KLHL22: variants seen among roughly 807,000 people sequenced by gnomAD.
KLHL22 encodes the protein kelch like family member 22, also known as kelch-like protein 22.
A neutral mutation model predicts 60.7 loss-of-function variants in KLHL22; 18 were observed. That is an observed-to-expected ratio of 0.30 (90% CI 0.20 to 0.44). KLHL22 has a LOEUF of 0.44. KLHL22 is among the 20% of genes least tolerant of loss of function. KLHL22 has a pLI of 1.00. For synonymous variants in KLHL22, 355 were observed against 354.5 expected (o/e 1.00, Z -0.01); for missense variants, 596 against 852.3 (o/e 0.70, Z 3.74).
chr22:20,465,382 G>C lies in KLHL22; in HGVS notation c.588C>G (p.Val196=), dbSNP rs2072965566. 2 of 1,614,172 alleles carry C rather than the reference G, an allele frequency of 1.2e-6. No individual in the cohort carries two copies. Among genetic ancestry groups the C allele is most frequent in the Middle Eastern group, 1.6e-4 (1 of 6,062 alleles). ...GGCGATTGCTGCTGAGGAGGGAGTAGACCTTCTCCAATGGAAGCTGGCGGT... is the reference window on the plus strand; with the variant it reads ...GGCGATTGCTGCTGAGGAGGGAGTACACCTTCTCCAATGGAAGCTGGCGGT... ...DKYRQLPLEK[V]YSLLSSNRLE... is the part of the protein sequence containing the mutation. The change falls in exon 4 of 7, where the codon GTC becomes GTG. Residue 196 remains valine, a synonymous_variant. Transcript: ENST00000328879. The surrounding 1 kb of genome is among the most constrained non-coding windows in gnomAD (Gnocchi z 4.9).
Position 20,464,860 on chromosome 22 carries a change from C to G in KLHL22, c.1110G>C (p.Trp370Cys). ...VQGFRAESRC[W>C]RYDPRHNRWF... ...GACCAGCTAGCACCCTGTCCTACCT[C>G]CAGCATCGGGACTCTGCTCGAAATC... Residue 370 changes from tryptophan (W) to cysteine (C), a missense_variant and splice_region_variant, in exon 4 of 7, where the codon TGG becomes TGC. By Grantham distance (215) the Trp-to-Cys change is radical (BLOSUM62 -2). Transcript: ENST00000328879. 6.6e-7 allele frequency: 1 copy of G among 1,526,684 alleles called. No homozygotes were observed. The highest frequency in any genetic ancestry group is 8.8e-7 in the Non-Finnish European group (1 of 1,134,002). The allele number at this position is 1,526,684 out of a possible 1,614,324, so 94.6% of individuals were successfully genotyped here.
At chr22:20,448,271 G>A (rs965816077) in intron 5 of KLHL22, among the ~76,000 whole-genome samples, 5 of 152,120 alleles carry the variant, frequency 3.3e-5, no homozygotes, top group African/African-American at 7.2e-5. Flanking sequence ...CACAAACACG[G>A]CACTCAAAGG....
intron 5 of KLHL22, among the ~76,000 whole-genome samples, chr22:20,454,464 T>C (rs772152911): frequency 1.6e-4 from 24 of 152,210 alleles, no homozygotes; most frequent in Non-Finnish European, 3.4e-4. Flanking sequence ...TTATAAAGCA[T>C]GAATGAGGAA....
intron 2 of KLHL22, among the ~76,000 whole-genome samples, chr22:20,476,926 C>G (rs529446914): frequency 6.7e-6 from 1 of 149,842 alleles, no homozygotes; most frequent in Non-Finnish European, 1.5e-5. Context: ...AGACTGGTCT[C>G]GAACTCCTGA....
chr22:20,444,645 A>G (rs893838630), intron 6 of KLHL22, among the ~76,000 whole-genome samples: 1 of 152,230 alleles, frequency 6.6e-6, no homozygotes, highest in African/African-American at 2.4e-5. Flanking sequence ...CAACAAAGCA[A>G]CTATTACTTG....
At chr22:20,442,960 A>G (rs570454002) in intron 6 of KLHL22, among the ~76,000 whole-genome samples, 2 of 152,366 alleles carry the variant, frequency 1.3e-5, no homozygotes, top group East Asian at 3.9e-4. Context: ...CAACATCAAT[A>G]TTCTCTTGTC....
At chr22:20,483,745 G>A (rs1418314255) in intron 2 of KLHL22, 6 of 736,594 alleles carry the variant, frequency 8.1e-6, no homozygotes, top group East Asian at 5.0e-5. Context: ...TCTGATCTGG[G>A]TCCCTTCTTC....
chr22:20,488,841 A>G, intron 2 of KLHL22, 144 bp downstream of exon 2: 1 of 719,192 alleles, frequency 1.4e-6, no homozygotes, highest in African/African-American at 1.8e-5. Context: ...TGTCTCTCAC[A>G]CTTGTTGACT....
chr22:20,453,623 T>C (rs2053014790), intron 5 of KLHL22, among the ~76,000 whole-genome samples: 2 of 152,250 alleles, frequency 1.3e-5, no homozygotes, highest in Non-Finnish European at 2.9e-5. Flanking sequence ...TTATTTGAGC[T>C]ATTCTAGTTC....
At chr22:20,486,337 G>GC (rs1569145744) in intron 2 of KLHL22, among the ~76,000 whole-genome samples, 3 of 152,004 alleles carry the variant, frequency 2.0e-5, no homozygotes, top group African/African-American at 7.3e-5. Context: ...AGGTCCTGAG[G>GC]TTTTTCACTC....
intron 2 of KLHL22, chr22:20,483,764 CT>C: frequency 1.4e-6 from 1 of 739,778 alleles, no homozygotes; most frequent in Non-Finnish European, 2.5e-6. Context: ...TCTCCAAGTG[CT>C]TCTGGATTTT....
intron 6 of KLHL22, among the ~76,000 whole-genome samples, chr22:20,443,238 C>T (rs2052793700): frequency 6.6e-6 from 1 of 152,148 alleles, no homozygotes; most frequent in Admixed American, 6.5e-5. Context: ...TTTTGGTTCT[C>T]TAGCTATGGT....
chr22:20,451,493 T>C, intron 5 of KLHL22: 2 of 1,598,560 alleles, frequency 1.3e-6, no homozygotes, highest in Non-Finnish European at 1.7e-6. Context: ...GTTACACCAA[T>C]GGCCACCAAG....
intron 5 of KLHL22, among the ~76,000 whole-genome samples, chr22:20,447,995 C>T (rs1266742171): frequency 2.0e-5 from 3 of 152,128 alleles, no homozygotes; most frequent in Non-Finnish European, 4.4e-5. Context: ...GACGTGGACA[C>T]AGCCACAGAA....
At chr22:20,473,013 C>T (rs1480238215) in intron 2 of KLHL22, among the ~76,000 whole-genome samples, 1 of 152,134 alleles carries the variant, frequency 6.6e-6, no homozygotes, top group African/African-American at 2.4e-5. Flanking sequence ...GGCAGGCAGG[C>T]CTTGGAGCCA....
chr22:20,472,992 A>T (rs943870701), intron 2 of KLHL22, among the ~76,000 whole-genome samples: 1 of 152,190 alleles, frequency 6.6e-6, no homozygotes. Context: ...AAGTGAGCAG[A>T]AAGTGGGATG....
chr22:20,462,387 C>T lies in KLHL22; in HGVS notation c.1112+2471G>A, dbSNP rs1243490000. On this transcript the variant is annotated intron_variant, in intron 4 of 6. Coordinates refer to ENST00000328879, the MANE Select transcript of KLHL22 (RefSeq NM_032775.4). ...AATTTTTTTTAGAGACAGGGTCTCA[C>T]TCTGTTGCCCAGGCTACAGTACAGG... Among the ~76,000 whole-genome samples, 4 of 151,988 alleles carry T rather than the reference C, an allele frequency of 2.6e-5. No homozygotes were observed. The East Asian group carries it at 7.7e-4, about 29-fold the overall frequency.
At chr22:20,470,699 G>T (rs886893286) in intron 3 of KLHL22, among the ~76,000 whole-genome samples, 1 of 150,254 alleles carries the variant, frequency 6.7e-6, no homozygotes, top group Admixed American at 6.6e-5. Context: ...TGGATGGATG[G>T]ATGGATGGAT....
In KLHL22 at chr22:20,446,668, G is replaced by C. The variant is rs1446626914; in HGVS notation, c.1314C>G (p.Ala438=). The C allele has an allele frequency of 6.2e-7, 1 of 1,609,496 alleles. No homozygotes were observed. The highest frequency in any genetic ancestry group is 8.5e-7 in the Non-Finnish European group (1 of 1,179,848). The change falls in exon 6 of 7, where the codon GCC becomes GCG. Residue 438 remains alanine (A), a synonymous_variant. Coordinates refer to ENST00000328879, the MANE Select transcript of KLHL22 (RefSeq NM_032775.4). ...TCCCCTCCAGCGTCGCGCCTGCGTG[G>C]GCATACACCTGTGTGGAGCCACCAG... ...YVAPLKREVY[A]HAGATLEGKM...
Sources: allele counts gnomAD v4.1 joint callset (sites outside exome capture counted in the v4.1 genomes callset), GRCh38; gene constraint gnomAD v4.1.1; non-coding constraint Gnocchi (gnomAD v3.1); transcripts MANE v1.5; gene names NCBI Gene and HGNC (gene_info 2026-07-23, HGNC 2026-07-21).